The following TFDP2 variants were observed in gnomAD, a reference collection of about 807,000 sequenced individuals.
The protein encoded by TFDP2 is transcription factor Dp-2, also known as transcription factor Dp-2 (E2F dimerization partner 2).
In TFDP2, 17 loss-of-function variants were observed where a neutral mutation model predicts 59.3. That is an observed-to-expected ratio of 0.29 (90% CI 0.20 to 0.43). The LOEUF is 0.43. Among genes scored for constraint, TFDP2 ranks in the 20% least tolerant of loss-of-function variants. The pLI, the probability that TFDP2 is intolerant of heterozygous loss-of-function variation, is 1.00. For missense variants in TFDP2, 391 were observed against 528.8 expected, an observed-to-expected ratio of 0.74 and a Z score of 2.56; for synonymous variants, 180 against 194.7, an observed-to-expected ratio of 0.92 and a Z score of 0.63.
chr3:142,084,575 G>C (rs1299027174), intron 3 of TFDP2, among the ~76,000 whole-genome samples: 1 of 152,082 alleles, frequency 6.6e-6, no homozygotes, highest in African/African-American at 2.4e-5. Context: ...AGCAATCTAA[G>C]TGTCCATCAA....
At chr3:142,017,008 C>T (rs1408135334) in intron 3 of TFDP2, among the ~76,000 whole-genome samples, 2 of 152,234 alleles carry the variant, frequency 1.3e-5, no homozygotes, top group African/African-American at 4.8e-5. Flanking sequence ...ATTTCTACTT[C>T]ATGGCCTTTG....
intron 6 of TFDP2, among the ~76,000 whole-genome samples, chr3:141,990,844 T>C (rs1942687092): frequency 6.6e-6 from 1 of 151,990 alleles, no homozygotes; most frequent in Non-Finnish European, 1.5e-5. Context: ...GATTGCAAGG[T>C]CAGGAGATCA....
chr3:142,102,825 G>A (rs1222459861), intron 1 of TFDP2, among the ~76,000 whole-genome samples: 2 of 152,118 alleles, frequency 1.3e-5, no homozygotes, highest in African/African-American at 4.8e-5. Flanking sequence ...TTAATCATGA[G>A]GAAATATCAG....
At chr3:142,035,449 C>T (rs1946648135) in intron 3 of TFDP2, among the ~76,000 whole-genome samples, 1 of 152,156 alleles carries the variant, frequency 6.6e-6, no homozygotes. Context: ...ACTGTCTCCC[C>T]CATCTAACAG....
At chr3:142,122,199 G>A (rs1021351114) in intron 1 of TFDP2, among the ~76,000 whole-genome samples, 1 of 152,018 alleles carries the variant, frequency 6.6e-6, no homozygotes, top group African/African-American at 2.4e-5. Flanking sequence ...TTATAACCAG[G>A]TCTACAGATA....
chr3:142,140,994 T>C (rs988738550), intron 1 of TFDP2, among the ~76,000 whole-genome samples: 3 of 152,218 alleles, frequency 2.0e-5, no homozygotes, highest in East Asian at 1.9e-4. Context: ...ATAGAGGCAG[T>C]AGGCCTTGCT....
chr3:142,142,633 C>A (rs924403240), intron 1 of TFDP2, among the ~76,000 whole-genome samples: 3 of 152,084 alleles, frequency 2.0e-5, no homozygotes, highest in Non-Finnish European at 2.9e-5. Flanking sequence ...CACAAAAGAC[C>A]CAGAATAGCC....
chr3:142,033,090 G>T (rs1946515310), intron 3 of TFDP2, among the ~76,000 whole-genome samples: 2 of 152,158 alleles, frequency 1.3e-5, no homozygotes, highest in Admixed American at 1.3e-4. Flanking sequence ...AGCTACTTGG[G>T]AGCCTGAGGC....
Position 142,018,116 on chromosome 3 carries a change from T to C in TFDP2, c.83-12572A>G, listed in dbSNP as rs571802385. Reference sequence around the variant, plus strand: ...CATCACCACGCTTGGCTAATTTTTATACTTTCAGTAGAGACAGGGGTCTCG... The same window carrying C: ...CATCACCACGCTTGGCTAATTTTTACACTTTCAGTAGAGACAGGGGTCTCG... On this transcript the variant is annotated intron_variant, in intron 3 of 12. Transcript: ENST00000489671. Among the ~76,000 whole-genome samples, 105 of 152,164 alleles carry C rather than the reference T, an allele frequency of 6.9e-4. 1 individual carries two copies. The highest frequency in any genetic ancestry group is 6.7e-3 in the Admixed American group (102 of 15,282).
intron 2 of TFDP2, among the ~76,000 whole-genome samples, chr3:142,095,701 T>C: frequency 6.6e-6 from 1 of 152,218 alleles, no homozygotes; most frequent in East Asian, 1.9e-4. Flanking sequence ...ACAAATAATG[T>C]TAAATATCCA....
At position 142,062,401 on chromosome 3, in the gene TFDP2, A is replaced by ATG. The variant is rs539864134; in HGVS notation, c.82+30658_82+30659dup. Among the ~76,000 whole-genome samples the ATG allele has an allele frequency of 3.3e-3, 475 of 144,016 alleles. 1 individual carries two copies. Among genetic ancestry groups the ATG allele is most frequent in the South Asian group, 5.7e-3 (26 of 4,574 alleles). The allele number at this position is 144,016 out of a possible 152,430, so 94.5% of individuals were successfully genotyped here. ...CATATATATATATTATATAATATAT[A>ATG]TGTGTGTGTGTGTGTGTGTGTGTGT... On this transcript the variant is annotated intron_variant, in intron 3 of 12. Transcript: ENST00000489671.
intron 3 of TFDP2, among the ~76,000 whole-genome samples, chr3:142,078,535 G>A (rs2060538846): frequency 6.6e-6 from 1 of 152,192 alleles, no homozygotes; most frequent in Non-Finnish European, 1.5e-5. Flanking sequence ...GACTACCAAG[G>A]TGGCACCTCT....
intron 3 of TFDP2, among the ~76,000 whole-genome samples, chr3:142,008,955 T>C (rs1275443516): frequency 3.3e-5 from 5 of 152,184 alleles, no homozygotes; most frequent in African/African-American, 7.2e-5. Flanking sequence ...CAAGGTCCCA[T>C]AGTAGTGAAG....
chr3:142,006,631 GCTAA>G lies in TFDP2; in HGVS notation c.83-1091_83-1088del, dbSNP rs556747854. ...CCACAGGCATGCATCACCACACCTGGCTAACTTTTTTATTTTGTAGAGATGGGGT... is the reference window on the plus strand; with the variant it reads ...CCACAGGCATGCATCACCACACCTGGCTTTTTTATTTTGTAGAGATGGGGT... On this transcript the variant is annotated intron_variant, in intron 3 of 12. Transcript: ENST00000489671. Among the ~76,000 whole-genome samples the G allele has an allele frequency of 3.9e-5, 6 of 151,942 alleles. 1 individual carries two copies. The highest frequency in any genetic ancestry group is 1.2e-4 in the African/African-American group (5 of 41,448).
intron 3 of TFDP2, among the ~76,000 whole-genome samples, chr3:142,045,318 C>T (rs1400921228): frequency 6.6e-6 from 1 of 151,970 alleles, no homozygotes; most frequent in Admixed American, 6.5e-5. Flanking sequence ...CACCACAACA[C>T]CGGGCTAATT....
At chr3:142,132,215 A>G (rs2062542370) in intron 1 of TFDP2, among the ~76,000 whole-genome samples, 1 of 150,148 alleles carries the variant, frequency 6.7e-6, no homozygotes, top group Non-Finnish European at 1.5e-5. Context: ...GCCAAGCCAC[A>G]TACTATATGA....
intron 2 of TFDP2, among the ~76,000 whole-genome samples, chr3:142,100,532 C>T (rs962886943): frequency 6.6e-6 from 1 of 152,194 alleles, no homozygotes; most frequent in African/African-American, 2.4e-5. Context: ...GTCACCGCGC[C>T]TGGCTACTTT....
Position 142,101,847 on chromosome 3 carries a change from A to G in TFDP2, c.-92-6T>C. 1 of 643,988 alleles carries G rather than the reference A, an allele frequency of 1.6e-6. No individual in the cohort carries two copies. 39.9% of individuals were successfully genotyped at this position (643,988 alleles called of 1,614,324 possible). On this transcript the variant is annotated splice_region_variant and splice_polypyrimidine_tract_variant and intron_variant, in intron 1 of 12. Transcript: ENST00000489671. ...TAATTCTTTAAAAGAACAACCTGTT[A>G]AAGGAAAACAGAGGGAATAGTAATG...
chr3:142,036,478 A>G (rs1946699789), intron 3 of TFDP2, among the ~76,000 whole-genome samples: 1 of 152,218 alleles, frequency 6.6e-6, no homozygotes, highest in Non-Finnish European at 1.5e-5. Flanking sequence ...AACCCTTTGT[A>G]ATTTGCATGT....
Sources: allele counts gnomAD v4.1 joint callset (sites outside exome capture counted in the v4.1 genomes callset), GRCh38; gene constraint gnomAD v4.1.1; transcripts MANE v1.5; gene names NCBI Gene and HGNC (gene_info 2026-07-23, HGNC 2026-07-21).